Variants in MVB12B observed in about 807,000 individuals in gnomAD.
MVB12B encodes the protein multivesicular body subunit 12B.
MVB12B carries 16 observed loss-of-function variants against 41.6 expected under a neutral mutation model. The observed-to-expected ratio is 0.38, with a 90% CI of 0.26 to 0.58. MVB12B has a LOEUF of 0.58. Among genes scored for constraint, MVB12B ranks in the 20% least tolerant of loss-of-function variants. MVB12B has a pLI of 0.62. For synonymous variants in MVB12B, 133 were observed against 139.7 expected (o/e 0.95, Z 0.34); for missense variants, 274 against 380.2 (o/e 0.72, Z 2.32).
intron 7 of MVB12B, among the ~76,000 whole-genome samples, chr9:126,466,905 G>A (rs1453955195): frequency 6.6e-6 from 1 of 151,830 alleles, no homozygotes; most frequent in Admixed American, 6.6e-5. Flanking sequence ...TCAGCTCACT[G>A]CATCCTCCAC....
intron 7 of MVB12B, among the ~76,000 whole-genome samples, chr9:126,443,881 T>TC (rs1161637771): frequency 6.6e-6 from 1 of 152,222 alleles, no homozygotes; most frequent in Admixed American, 6.5e-5. Context: ...GGCCCTTCCC[T>TC]CCCCATCGCC....
intron 1 of MVB12B, among the ~76,000 whole-genome samples, chr9:126,337,368 G>A (rs370187610): frequency 6.6e-6 from 1 of 152,148 alleles, no homozygotes; most frequent in Non-Finnish European, 1.5e-5. Flanking sequence ...TATTTATGAG[G>A]GGAATGTTGA....
At chr9:126,496,337 A>G (rs1833834727) in intron 9 of MVB12B, among the ~76,000 whole-genome samples, 1 of 115,410 alleles carries the variant, frequency 8.7e-6, no homozygotes, top group African/African-American at 3.4e-5. Context: ...ACCCATCCAC[A>G]TATTAACCCA....
chr9:126,375,363 C>CTTTTTTTTTTTTT (rs35585049), intron 2 of MVB12B, among the ~76,000 whole-genome samples: 1 of 105,194 alleles, frequency 9.5e-6, no homozygotes, highest in African/African-American at 3.8e-5. Context: ...TAAATTGATT[C>CTTTTTTTTTTTTT]TTTTTTTTTT....
intron 9 of MVB12B, among the ~76,000 whole-genome samples, chr9:126,488,978 G>T (rs558810080): frequency 6.6e-6 from 1 of 152,216 alleles, no homozygotes; most frequent in Non-Finnish European, 1.5e-5. Context: ...AAGCAGAGCT[G>T]CCTCCACCCC....
intron 2 of MVB12B, among the ~76,000 whole-genome samples, chr9:126,366,448 T>C (rs986273385): frequency 5.9e-5 from 9 of 152,192 alleles, no homozygotes; most frequent in African/African-American, 2.2e-4. Context: ...CGACCTGTAA[T>C]CCTACAACTC....
intron 6 of MVB12B, chr9:126,397,537 T>C (rs1831151205): frequency 2.0e-6 from 2 of 985,400 alleles, no homozygotes; most frequent in Non-Finnish European, 2.4e-6. Context: ...ATAGTCAATA[T>C]AAAATGTATT....
At chr9:126,446,996 G>A (rs536246132) in intron 7 of MVB12B, among the ~76,000 whole-genome samples, 1 of 136,222 alleles carries the variant, frequency 7.3e-6, no homozygotes, top group East Asian at 2.2e-4. Flanking sequence ...CCAGGCTGGA[G>A]TGCAATGGTG....
At chr9:126,494,218 T>C (rs1314519875) in intron 9 of MVB12B, among the ~76,000 whole-genome samples, 2 of 152,208 alleles carry the variant, frequency 1.3e-5, no homozygotes, top group African/African-American at 4.8e-5. Context: ...TGATCATATT[T>C]TTTCTCCCCA....
intron 1 of MVB12B, chr9:126,335,528 C>T: frequency 3.2e-6 from 2 of 631,290 alleles, no homozygotes; most frequent in Admixed American, 2.4e-5. Context: ...TCCTTCTGTC[C>T]CTTGCTTGCG....
rs117000374 is a variant in MVB12B at position 126,332,256 on chromosome 9, C to T, written c.81+5246C>T. 9.1e-4 allele frequency among the ~76,000 whole-genome samples: 139 copies of T among 152,250 alleles called. 2 individuals are homozygous for T. In the South Asian group the frequency reaches 0.021, roughly 23 times the overall value. Reference sequence around the variant, plus strand: ...AAGGAAGAGTCCCCTCCTTTGCAGTCCCTTTCTCTTGGGATATTTCCCACA... The same window carrying T: ...AAGGAAGAGTCCCCTCCTTTGCAGTTCCTTTCTCTTGGGATATTTCCCACA... On this transcript the variant is annotated intron_variant, in intron 1 of 9. Transcript: ENST00000361171.
At chr9:126,413,849 T>TGTGTGTGTGTGC (rs1554776184) in intron 6 of MVB12B, among the ~76,000 whole-genome samples, 2,850 of 148,548 alleles carry the variant, frequency 0.019, 55 homozygotes, top group South Asian at 0.079. Flanking sequence ...TGTGTGTGTG[T>TGTGTGTGTGTGC]GTGTATAAGG....
At chr9:126,329,048 C>T (rs907475228) in intron 1 of MVB12B, among the ~76,000 whole-genome samples, 1 of 152,064 alleles carries the variant, frequency 6.6e-6, no homozygotes, top group African/African-American at 2.4e-5. Context: ...CTCCCAAATT[C>T]CTGGGATTAC....
At chr9:126,413,901 G>A (rs1831729732) in intron 6 of MVB12B, among the ~76,000 whole-genome samples, 1 of 151,482 alleles carries the variant, frequency 6.6e-6, no homozygotes, top group African/African-American at 2.4e-5. Flanking sequence ...CTATGAGTGC[G>A]CCTCTGCCTT....
intron 7 of MVB12B, among the ~76,000 whole-genome samples, chr9:126,430,936 G>A (rs1034077739): frequency 6.6e-5 from 10 of 152,212 alleles, no homozygotes; most frequent in Admixed American, 1.3e-4. Flanking sequence ...CTGGATTGTT[G>A]TGAAGATCTA....
intron 6 of MVB12B, among the ~76,000 whole-genome samples, chr9:126,407,819 AAAAG>A (rs1379624319): frequency 8.5e-5 from 13 of 152,222 alleles, no homozygotes; most frequent in Admixed American, 1.3e-4. Context: ...GTACTTAAAA[AAAAG>A]AAAGAAAGAT....
rs12000621 is a variant in MVB12B, at chr9:126,384,632, G to A, written c.313-1930G>A. On this transcript the variant is annotated intron_variant, in intron 3 of 9. Transcript: ENST00000361171. The stretch of plus-strand genomic sequence containing the variant: ...CAGCCTCCACCTCCTGGGTTCAAGC[G>A]ATTCTCCTGCCTCAGCCTCCCAAGT... Among the ~76,000 whole-genome samples, 546 of 151,858 alleles carry A rather than the reference G, an allele frequency of 3.6e-3. 2 individuals are homozygous for A. Among genetic ancestry groups the A allele is most frequent in the African/African-American group, 0.013 (525 of 41,370 alleles).
At position 126,492,371 on chromosome 9, in the gene MVB12B, T is replaced by G. The variant is rs577461440; in HGVS notation, c.873+8339T>G. ...GCTGCAATAGATTTCCTTGTACATG[T>G]TGCCTGGCTCGCCTGGGTCTTTCCC... On this transcript the variant is annotated intron_variant, in intron 9 of 9. Coordinates refer to ENST00000361171, the MANE Select transcript of MVB12B (RefSeq NM_033446.3). Among the ~76,000 whole-genome samples, 23 of 151,990 alleles carry G rather than the reference T, an allele frequency of 1.5e-4. No homozygotes were observed. In the South Asian group the frequency reaches 4.8e-3, roughly 32 times the overall value.
rs1833047223 is a variant in MVB12B at position 126,459,522 on chromosome 9, C to T, written c.758-21847C>T. On this transcript the variant is annotated intron_variant, in intron 7 of 9. Transcript: ENST00000361171. This position sits in a 1 kb window ranked among gnomAD's most constrained non-coding sequence, Gnocchi z 4.3. Reference sequence around the variant, plus strand: ...GACCACGAGACCCTCACCCCAGCAGCACGCGGGCACGCAGCCCACAGCAGC... The same window carrying T: ...GACCACGAGACCCTCACCCCAGCAGTACGCGGGCACGCAGCCCACAGCAGC... Among the ~76,000 whole-genome samples, 1 of 152,228 alleles carries T rather than the reference C, an allele frequency of 6.6e-6. No homozygotes were observed. Among genetic ancestry groups the T allele is most frequent in the South Asian group, 2.1e-4 (1 of 4,834 alleles).
Sources: gnomAD v4.1 joint callset for allele counts (sites outside exome capture counted in the v4.1 genomes callset) on GRCh38, gnomAD v4.1.1 for gene constraint, Gnocchi (gnomAD v3.1) non-coding constraint, MANE v1.5 for transcripts, NCBI Gene and HGNC (gene_info 2026-07-23, HGNC 2026-07-21) for gene names.